Variants in DMD observed in about 807,000 individuals in gnomAD.
The protein encoded by DMD is mutant dystrophin.
Under a neutral mutation model 330.1 loss-of-function variants are expected in DMD, and 63 were observed. The observed-to-expected ratio is 0.19, with a 90% confidence interval of 0.16 to 0.24. DMD has a LOEUF of 0.24. DMD is among the 10% of genes least tolerant of loss of function. The pLI is 1.00. For missense variants in DMD, 3,344 were observed against 2,684.1 expected (o/e 1.25, Z -5.43); for synonymous variants, 1,223 against 959.8 (o/e 1.27, Z -5.07).
intron 1 of DMD, among the ~76,000 whole-genome samples, chrX:33,163,578 A>G (rs1217769551): frequency 9.9e-6 from 1 of 101,151 alleles, no homozygotes; most frequent in African/African-American, 3.8e-5. Context: ...ATATATATGT[A>G]TATGTGTATA....
At chrX:32,658,849 A>G (rs1414775390) in intron 9 of DMD, among the ~76,000 whole-genome samples, 1 of 111,898 alleles carries the variant, frequency 8.9e-6, no homozygotes, top group Non-Finnish European at 1.9e-5. Context: ...TAAAATAAAC[A>G]TGAGGTCAAA....
intron 15 of DMD, among the ~76,000 whole-genome samples, chrX:32,569,566 G>C (rs2052159249): frequency 9.0e-6 from 1 of 111,591 alleles, no homozygotes; most frequent in African/African-American, 3.3e-5. Context: ...AAATTTCCTT[G>C]ATACTGATGC....
intron 43 of DMD, among the ~76,000 whole-genome samples, chrX:32,285,845 G>A (rs757434329): frequency 9.0e-6 from 1 of 110,674 alleles, no homozygotes; most frequent in Non-Finnish European, 1.9e-5. Flanking sequence ...GACTACAAGC[G>A]CATGCCACCA....
chrX:31,613,455 T>A (rs1052098495), intron 55 of DMD, among the ~76,000 whole-genome samples: 4 of 111,259 alleles, frequency 3.6e-5, no homozygotes, highest in African/African-American at 1.3e-4. Flanking sequence ...TGGAAGTGAA[T>A]CCTCCAGCAT....
Position 32,511,521 on chromosome X carries a change from C to CG in DMD, c.2292+6486dup, listed in dbSNP as rs752103288. Among the ~76,000 whole-genome samples the CG allele has an allele frequency of 5.1e-3, 290 of 57,061 alleles. 11 individuals are homozygous for CG. The highest frequency in any genetic ancestry group is 9.8e-3 in the South Asian group (8 of 816). The allele number at this position is 57,061 out of a possible 115,157, so 49.6% of individuals were successfully genotyped here. A position where few individuals can be genotyped will look rare whatever the true frequency, so the allele number is the denominator to read the frequency against. On this transcript the variant is annotated intron_variant, in intron 18 of 78. Coordinates refer to ENST00000357033, the MANE Select transcript of DMD (RefSeq NM_004006.3). ...TGGGTGACAGAGCGAGGCTCCGTCT[C>CG]GGGAAAAAAAAAAAAAAAAAAAAAA...
chrX:32,274,884 A>ACACCAACTATATGG (rs1476185842), intron 43 of DMD, among the ~76,000 whole-genome samples: 108 of 112,143 alleles, frequency 9.6e-4, no homozygotes, highest in African/African-American at 3.2e-3. Flanking sequence ...ATACCTCATG[A>ACACCAACTATATGG]CACCAACTAT....
At chrX:31,388,565 A>G (rs1178654345) in intron 60 of DMD, among the ~76,000 whole-genome samples, 1 of 112,138 alleles carries the variant, frequency 8.9e-6, no homozygotes, top group Non-Finnish European at 1.9e-5. Flanking sequence ...AAGTTTACCT[A>G]GCTCAATACC....
chrX:32,098,968 A>C (rs1448991272), intron 44 of DMD, among the ~76,000 whole-genome samples: 1 of 112,061 alleles, frequency 8.9e-6, no homozygotes, highest in Non-Finnish European at 1.9e-5. Flanking sequence ...CATCTTTACA[A>C]ATAGTCTCTG....
chrX:31,943,445 CATT>C (rs1197852165), intron 45 of DMD, among the ~76,000 whole-genome samples: 1 of 112,084 alleles, frequency 8.9e-6, no homozygotes, highest in East Asian at 2.8e-4. Context: ...TGATTATAAA[CATT>C]AATTCTGTTT....
intron 55 of DMD, among the ~76,000 whole-genome samples, chrX:31,526,674 G>GCT (rs2073259893): frequency 8.9e-6 from 1 of 111,953 alleles, no homozygotes; most frequent in Non-Finnish European, 1.9e-5. Flanking sequence ...ATGGGCATCT[G>GCT]CTCTCTCCTT....
At position 32,560,706 on chromosome X, in the gene DMD, C is replaced by G. The variant is rs189044016; in HGVS notation, c.1992+4996G>C. 4.9e-4 allele frequency among the ~76,000 whole-genome samples: 55 copies of G among 111,543 alleles called. 1 individual carries two copies. Among genetic ancestry groups the G allele is most frequent in the African/African-American group, 1.6e-3 (49 of 30,691 alleles). On this transcript the variant is annotated intron_variant, in intron 16 of 78. Transcript: ENST00000357033. Reference sequence around the variant, plus strand: ...CATGCAGTGTTTGGTTTTCTGTTCCCGCATTAGTTTGCTGAGAATAACAGC... The same window carrying G: ...CATGCAGTGTTTGGTTTTCTGTTCCGGCATTAGTTTGCTGAGAATAACAGC...
At chrX:31,612,483 C>T (rs1296203810) in intron 55 of DMD, among the ~76,000 whole-genome samples, 2 of 111,544 alleles carry the variant, frequency 1.8e-5, no homozygotes, top group African/African-American at 6.5e-5. Flanking sequence ...ATGTGAAATG[C>T]ATTTTCTACT....
chrX:33,035,663 G>A (rs2094192892), intron 1 of DMD, among the ~76,000 whole-genome samples: 1 of 111,677 alleles, frequency 9.0e-6, no homozygotes, highest in African/African-American at 3.3e-5. Context: ...TATTTTTAAT[G>A]CACATTTTTC....
At chrX:33,243,701 G>A (rs1292363282) in intron 1 of DMD, among the ~76,000 whole-genome samples, 2 of 112,206 alleles carry the variant, frequency 1.8e-5, no homozygotes, top group East Asian at 2.8e-4. Context: ...ACATTATTTA[G>A]CCACAAAAGG....
intron 61 of DMD, among the ~76,000 whole-genome samples, chrX:31,325,011 G>A: frequency 8.9e-6 from 1 of 112,160 alleles, no homozygotes; most frequent in East Asian, 2.8e-4. Context: ...AAACGATATA[G>A]GAAATGGATT....
At chrX:33,111,129 T>C (rs1206934217) in intron 1 of DMD, among the ~76,000 whole-genome samples, 1 of 111,061 alleles carries the variant, frequency 9.0e-6, no homozygotes, top group Non-Finnish European at 1.9e-5. Context: ...AAGTTGACAA[T>C]GTTGCTGATA....
intron 50 of DMD, among the ~76,000 whole-genome samples, chrX:31,803,702 T>C (rs868673128): frequency 6.4e-5 from 5 of 78,271 alleles, no homozygotes; most frequent in African/African-American, 2.2e-4. Flanking sequence ...CTCTCTCTCT[T>C]TCTTTTTATT....
Position 32,343,182 on chromosome X carries a change from T to C in DMD, c.5691A>G (p.Glu1897=). The C allele has an allele frequency of 8.3e-7, 1 of 1,211,039 alleles. No homozygotes were observed. Among genetic ancestry groups the C allele is most frequent in the South Asian group, 1.8e-5 (1 of 56,970 alleles). The change falls in exon 40 of 79, where the codon GAA becomes GAG. Residue 1897 remains glutamate (E), a synonymous_variant. Coordinates refer to ENST00000357033, the MANE Select transcript of DMD (RefSeq NM_004006.3). The part of the protein sequence containing the change: ...DDLLKCLDDI[E]KKLASLPEPR... ...GCTCAGGTAGGCTGGCTAATTTTTT[T>C]TCAATGTCATCCAAGCATTTCAGGA...
At chrX:32,181,013 T>G (rs748531072) in intron 44 of DMD, among the ~76,000 whole-genome samples, 1 of 111,930 alleles carries the variant, frequency 8.9e-6, no homozygotes, top group Non-Finnish European at 1.9e-5. Flanking sequence ...CCACAATGTG[T>G]GCAATATTTT....
Sources: gnomAD v4.1 joint callset for allele counts (sites outside exome capture counted in the v4.1 genomes callset) on GRCh38, gnomAD v4.1.1 for gene constraint, MANE v1.5 for transcripts, NCBI Gene and HGNC (gene_info 2026-07-23, HGNC 2026-07-21) for gene names.